The following EYA4 variants were observed in gnomAD, a reference collection of about 807,000 sequenced individuals.
EYA4 encodes the protein EYA transcriptional coactivator and phosphatase 4.
EYA4 carries 31 observed loss-of-function variants against 87.9 expected under a neutral mutation model. The observed-to-expected ratio is 0.35, with a 90% CI of 0.27 to 0.48. EYA4 has a LOEUF of 0.48. Among genes scored for constraint, EYA4 ranks in the 20% least tolerant of loss-of-function variants. The pLI is 0.99. For synonymous variants in EYA4, 263 were observed against 270.6 expected, an observed-to-expected ratio of 0.97 and a Z score of 0.28; for missense variants, 678 against 761.4, an observed-to-expected ratio of 0.89 and a Z score of 1.29.
chr6:133,502,353 A>G (rs1454838630), intron 13 of EYA4: 1 of 152,150 alleles, frequency 6.6e-6, no homozygotes, highest in African/African-American at 2.4e-5. Flanking sequence ...CTTAAATGCA[A>G]ATTAAAAAAA....
chr6:133,444,087 T>C (rs1293753194), intron 3 of EYA4, among the ~76,000 whole-genome samples: 1 of 152,216 alleles, frequency 6.6e-6, no homozygotes, highest in Non-Finnish European at 1.5e-5. Context: ...TTTTAAAATT[T>C]ATTTTTGTCT....
chr6:133,313,695 ACT>A (rs1197868087), intron 2 of EYA4, among the ~76,000 whole-genome samples: 2 of 152,126 alleles, frequency 1.3e-5, no homozygotes, highest in Admixed American at 6.5e-5. Flanking sequence ...ATATTTTATA[ACT>A]CTGTTTTCAT....
intron 2 of EYA4, among the ~76,000 whole-genome samples, chr6:133,303,930 G>A (rs1483839514): frequency 6.6e-6 from 1 of 152,124 alleles, no homozygotes; most frequent in Non-Finnish European, 1.5e-5. Context: ...TGAAGGTGGA[G>A]GTGGAGTGGT....
At chr6:133,525,314 T>G in intron 19 of EYA4, 60 bp downstream of exon 19, 1 of 1,444,180 alleles carries the variant, frequency 6.9e-7, no homozygotes, top group Non-Finnish European at 9.7e-7. Flanking sequence ...TTGTTTGCAT[T>G]TCTGTAGTTT....
intron 2 of EYA4, 102 bp downstream of exon 2, chr6:133,274,915 A>G: frequency 1.1e-6 from 1 of 886,628 alleles, no homozygotes; most frequent in South Asian, 1.5e-5. Flanking sequence ...TTCATTAAAT[A>G]TATTTTTAAA....
intron 2 of EYA4, among the ~76,000 whole-genome samples, chr6:133,339,687 T>C (rs145175094): frequency 2.0e-5 from 3 of 152,262 alleles, no homozygotes; most frequent in Admixed American, 1.3e-4. Flanking sequence ...GAATGCTCAA[T>C]AGAATTGTGA....
At chr6:133,522,317 T>C (rs761875738) in intron 17 of EYA4, among the ~76,000 whole-genome samples, 1 of 151,230 alleles carries the variant, frequency 6.6e-6, no homozygotes, top group Non-Finnish European at 1.5e-5. Context: ...AAACAATGTA[T>C]AAAAACTACT....
Position 133,481,533 on chromosome 6 carries a change from T to C in EYA4, c.1041T>C (p.Ser347=). Reference sequence around the variant, plus strand: ...TTGATGAGAGAACCTGTAGGAGTTCTGGGTCAAAGTCCAGAGGAAGAGGCC... The same window carrying C: ...TTGATGAGAGAACCTGTAGGAGTTCCGGGTCAAAGTCCAGAGGAAGAGGCC... ...KDLDERTCRS[S]GSKSRGRGRK... is the part of the protein sequence containing the mutation. The change falls in exon 12 of 20, where the codon TCT becomes TCC. Residue 347 remains serine, a synonymous_variant. Transcript: ENST00000355286. The C allele has an allele frequency of 6.2e-7, 1 of 1,614,072 alleles. No homozygotes were observed. The highest frequency in any genetic ancestry group is 1.7e-4 in the Middle Eastern group (1 of 6,060).
intron 3 of EYA4, among the ~76,000 whole-genome samples, chr6:133,417,582 C>T (rs1789834631): frequency 6.6e-6 from 1 of 152,010 alleles, no homozygotes; most frequent in South Asian, 2.1e-4. Context: ...TATATATGTT[C>T]TATATAGGCA....
At chr6:133,501,599 T>C (rs1798119602) in intron 13 of EYA4, among the ~76,000 whole-genome samples, 2 of 152,186 alleles carry the variant, frequency 1.3e-5, no homozygotes, top group Non-Finnish European at 2.9e-5. Context: ...AAAAATCCAG[T>C]AACTTTTTCC....
intron 2 of EYA4, among the ~76,000 whole-genome samples, chr6:133,353,865 A>G (rs1783817182): frequency 6.6e-6 from 1 of 152,158 alleles, no homozygotes; most frequent in Admixed American, 6.5e-5. Flanking sequence ...TGCCATTCAC[A>G]GTGCTACTCA....
chr6:133,519,406 A>C (rs1799901572), intron 17 of EYA4, among the ~76,000 whole-genome samples: 1 of 143,442 alleles, frequency 7.0e-6, no homozygotes, highest in South Asian at 2.1e-4. Flanking sequence ...AGAAATGGAT[A>C]CATTCCTCGA....
rs114694680 is a variant in EYA4 at position 133,364,775 on chromosome 6, C to T, written c.34-17617C>T. ...TAGTCTTTCCATGCTCCCTACAGTA[C>T]ATAGGCACTTTGTATTGTTGAATGT... On this transcript the variant is annotated intron_variant, in intron 2 of 19. Transcript: ENST00000355286. Among the ~76,000 whole-genome samples the T allele has an allele frequency of 2.6e-3, 397 of 152,298 alleles. 1 individual carries two copies. Among genetic ancestry groups the T allele is most frequent in the African/African-American group, 9.1e-3 (377 of 41,558 alleles).
chr6:133,459,276 T>C (rs984380141), intron 6 of EYA4, among the ~76,000 whole-genome samples: 5 of 152,120 alleles, frequency 3.3e-5, no homozygotes, highest in Non-Finnish European at 7.4e-5. Context: ...TGAGGCTTTA[T>C]AGTGTTGTGA....
intron 2 of EYA4, among the ~76,000 whole-genome samples, chr6:133,297,961 T>G (rs1582883172): frequency 6.6e-6 from 1 of 152,192 alleles, no homozygotes; most frequent in Non-Finnish European, 1.5e-5. Flanking sequence ...CCTGAATTAC[T>G]TATTACACCG....
chr6:133,502,542 T>A (rs1339315011), intron 13 of EYA4: 1 of 152,150 alleles, frequency 6.6e-6, no homozygotes, highest in East Asian at 1.9e-4. Flanking sequence ...AGATGGAGGG[T>A]GCCCAGCATT....
intron 3 of EYA4, among the ~76,000 whole-genome samples, chr6:133,415,020 G>A (rs1171843555): frequency 6.6e-6 from 1 of 151,994 alleles, no homozygotes; most frequent in Non-Finnish European, 1.5e-5. Flanking sequence ...ATCCAATTTG[G>A]TAAATCTTAT....
At chr6:133,512,397 A>C (rs1484579222) in intron 14 of EYA4, among the ~76,000 whole-genome samples, 2 of 152,212 alleles carry the variant, frequency 1.3e-5, no homozygotes, top group Non-Finnish European at 1.5e-5. Context: ...ATGGCCTGGA[A>C]GGGAACTCAA....
At chr6:133,398,842 C>A (rs1009723104) in intron 3 of EYA4, among the ~76,000 whole-genome samples, 3 of 151,972 alleles carry the variant, frequency 2.0e-5, no homozygotes, top group Admixed American at 2.0e-4. Context: ...TTTAGTAAAA[C>A]CTTGTCCCCA....
Sources: allele counts gnomAD v4.1 joint callset (sites outside exome capture counted in the v4.1 genomes callset), GRCh38; gene constraint gnomAD v4.1.1; transcripts MANE v1.5; gene names NCBI Gene and HGNC (gene_info 2026-07-23, HGNC 2026-07-21).